TMEM132D: variants seen among roughly 807,000 people sequenced by gnomAD.
TMEM132D encodes transmembrane protein 132D, also known as mature OL transmembrane protein.
In TMEM132D, 21 loss-of-function variants were observed where a neutral mutation model predicts 62.3. That is an observed-to-expected ratio of 0.34 (90% CI 0.24 to 0.49). The LOEUF is 0.49. Among genes scored for constraint, TMEM132D ranks in the 20% least tolerant of loss-of-function variants. The pLI, the probability that TMEM132D is intolerant of heterozygous loss-of-function variation, is 0.99. For missense variants in TMEM132D, 1,346 were observed against 1,402.8 expected, an observed-to-expected ratio of 0.96 and a Z score of 0.65; for synonymous variants, 621 against 575.6, an observed-to-expected ratio of 1.08 and a Z score of -1.13.
intron 5 of TMEM132D, among the ~76,000 whole-genome samples, chr12:129,165,680 C>CTT (rs71449397): frequency 1.9e-5 from 2 of 102,798 alleles, no homozygotes; most frequent in Non-Finnish European, 2.5e-5. Context: ...AACATTTCTT[C>CTT]TTTTTTTTTT....
At position 129,209,729 on chromosome 12, in the gene TMEM132D, C is replaced by T. The variant is rs186197020; in HGVS notation, c.1300-66G>A. On this transcript the variant is annotated intron_variant, in intron 4 of 8. Coordinates refer to ENST00000422113, the MANE Select transcript of TMEM132D (RefSeq NM_133448.3). ...AGACGGCCCAGTCCCTGGGAGTATG[C>T]CGCCTGCCTTTCCTCAGCCTCCCTG... 10,711 of 1,587,226 alleles carry T rather than the reference C, an allele frequency of 6.7e-3. 54 individuals are homozygous for T. The highest frequency in any genetic ancestry group is 7.7e-3 in the Non-Finnish European group (8,908 of 1,163,774).
intron 3 of TMEM132D, among the ~76,000 whole-genome samples, chr12:129,474,140 G>C (rs752709301): frequency 6.6e-6 from 1 of 152,106 alleles, no homozygotes; most frequent in Non-Finnish European, 1.5e-5. Context: ...CAACACAGTC[G>C]GTTTCTGGGC....
rs573485843 is a variant in TMEM132D at position 129,314,667 on chromosome 12, G to A, written c.1299+22967C>T. On this transcript the variant is annotated intron_variant, in intron 4 of 8. Transcript: ENST00000422113. ...TCTAATTCTGTGAAGAATGCTGGTG[G>A]TATTTTGATGGAGATTGCATTGAAT... 2.0e-5 allele frequency among the ~76,000 whole-genome samples: 3 copies of A among 152,210 alleles called. No homozygotes were observed. In the East Asian group the frequency reaches 5.8e-4, roughly 29 times the overall value.
At chr12:129,583,828 A>C (rs1161443303) in intron 2 of TMEM132D, among the ~76,000 whole-genome samples, 1 of 152,226 alleles carries the variant, frequency 6.6e-6, no homozygotes. Flanking sequence ...TCACCAACAC[A>C]CTGAGTGTTT....
intron 2 of TMEM132D, among the ~76,000 whole-genome samples, chr12:129,654,472 AT>A (rs1297158721): frequency 3.9e-5 from 6 of 152,180 alleles, no homozygotes; most frequent in African/African-American, 1.4e-4. Context: ...TGCTTTGTAC[AT>A]GAAAAGAGTA....
At chr12:129,230,498 A>G (rs1423749320) in intron 4 of TMEM132D, among the ~76,000 whole-genome samples, 7 of 152,250 alleles carry the variant, frequency 4.6e-5, no homozygotes, top group Non-Finnish European at 1.0e-4. Flanking sequence ...GATTATGGAC[A>G]CTGGTCTCAT....
At chr12:129,275,302 A>AAAT (rs1880974360) in intron 4 of TMEM132D, among the ~76,000 whole-genome samples, 1 of 152,104 alleles carries the variant, frequency 6.6e-6, no homozygotes, top group African/African-American at 2.4e-5. Flanking sequence ...AAATAAAATA[A>AAAT]AATAATAATA....
At chr12:129,609,465 C>T (rs144745565) in intron 2 of TMEM132D, among the ~76,000 whole-genome samples, 1 of 152,200 alleles carries the variant, frequency 6.6e-6, no homozygotes, top group Admixed American at 6.5e-5. Flanking sequence ...AGACAAAGGC[C>T]TCTTAAAAAG....
chr12:129,443,458 G>T (rs1291966047), intron 3 of TMEM132D, among the ~76,000 whole-genome samples: 1 of 152,108 alleles, frequency 6.6e-6, no homozygotes, highest in Non-Finnish European at 1.5e-5. Flanking sequence ...GCTGAGTTTG[G>T]TGAGCGATGG....
chr12:129,196,812 A>G (rs1420265316), intron 5 of TMEM132D, among the ~76,000 whole-genome samples: 1 of 152,224 alleles, frequency 6.6e-6, no homozygotes, highest in East Asian at 1.9e-4. Flanking sequence ...AGGAATTGAT[A>G]TATACAATCT....
intron 2 of TMEM132D, among the ~76,000 whole-genome samples, chr12:129,624,936 C>G (rs1039614643): frequency 6.6e-6 from 1 of 152,230 alleles, no homozygotes; most frequent in Non-Finnish European, 1.5e-5. Flanking sequence ...CCAGATGCCT[C>G]TGGGAAGCTG....
At chr12:129,390,213 G>C (rs1051735257) in intron 3 of TMEM132D, among the ~76,000 whole-genome samples, 3 of 152,208 alleles carry the variant, frequency 2.0e-5, no homozygotes, top group African/African-American at 7.2e-5. Flanking sequence ...GCCAGTTCGG[G>C]TCCTCCGTCT....
chr12:129,162,613 G>C (rs1190326421), intron 5 of TMEM132D, among the ~76,000 whole-genome samples: 1 of 152,064 alleles, frequency 6.6e-6, no homozygotes, highest in Non-Finnish European at 1.5e-5. Context: ...GAGTGCCTCG[G>C]TGATGTGTGC....
At chr12:129,358,705 G>A (rs1322863553) in intron 3 of TMEM132D, among the ~76,000 whole-genome samples, 1 of 152,206 alleles carries the variant, frequency 6.6e-6, no homozygotes, top group Non-Finnish European at 1.5e-5. Context: ...CAGAGGACCT[G>A]AGTGTAGCCA....
At chr12:129,556,990 T>C (rs905754399) in intron 2 of TMEM132D, among the ~76,000 whole-genome samples, 2 of 152,244 alleles carry the variant, frequency 1.3e-5, no homozygotes, top group Non-Finnish European at 2.9e-5. Flanking sequence ...ATTGTAACTA[T>C]TGACATTTTA....
rs77846582 is a variant in TMEM132D at position 129,269,422 on chromosome 12, C to G, written c.1300-59759G>C. Among the ~76,000 whole-genome samples, 10 of 152,156 alleles carry G rather than the reference C, an allele frequency of 6.6e-5. No homozygotes were observed. In the East Asian group the frequency reaches 1.9e-3, roughly 29 times the overall value. On this transcript the variant is annotated intron_variant, in intron 4 of 8. Coordinates refer to ENST00000422113, the MANE Select transcript of TMEM132D (RefSeq NM_133448.3). ...CTTCCCCTTCCCTTCCTTCTTCCTTCCTTCCATCTCCCCTGTTAGATTCCT... is the reference window on the plus strand; with the variant it reads ...CTTCCCCTTCCCTTCCTTCTTCCTTGCTTCCATCTCCCCTGTTAGATTCCT...
chr12:129,699,910 C>T lies in TMEM132D; in HGVS notation c.868G>A (p.Val290Met), dbSNP rs942395156. The change falls in exon 2 of 9, where the codon GTG (valine) becomes ATG (methionine). Residue 290 changes from valine to methionine, a missense_variant. Val to Met is a conservative substitution (Grantham distance 21, BLOSUM62 1). Coordinates refer to ENST00000422113, the MANE Select transcript of TMEM132D (RefSeq NM_133448.3). ...SLRELRLDNS[V>M]AIHYIPKTVR... Reference sequence around the variant, plus strand: ...GTCTTTGGTATATAGTGGATGGCCACGCTGTTGTCCAGACGCAGTTCTCTC... The same window carrying T: ...GTCTTTGGTATATAGTGGATGGCCATGCTGTTGTCCAGACGCAGTTCTCTC... 6.2e-7 allele frequency: 1 copy of T among 1,614,172 alleles called. No individual in the cohort carries two copies. Among genetic ancestry groups the T allele is most frequent in the South Asian group, 1.1e-5 (1 of 91,084 alleles).
At chr12:129,615,988 A>G (rs1420818258) in intron 2 of TMEM132D, among the ~76,000 whole-genome samples, 1 of 152,130 alleles carries the variant, frequency 6.6e-6, no homozygotes, top group East Asian at 1.9e-4. Context: ...CAGATGTGCA[A>G]TGGCTGGTTT....
chr12:129,541,013 G>A (rs574004411), intron 2 of TMEM132D, among the ~76,000 whole-genome samples: 14 of 152,254 alleles, frequency 9.2e-5, no homozygotes, highest in Admixed American at 4.6e-4. Context: ...AGAAACATAC[G>A]TTTTCTATTG....
Sources: gnomAD v4.1 joint callset for allele counts (sites outside exome capture counted in the v4.1 genomes callset) on GRCh38, gnomAD v4.1.1 for gene constraint, MANE v1.5 for transcripts, NCBI Gene and HGNC (gene_info 2026-07-23, HGNC 2026-07-21) for gene names.